Variants in SEC23A observed in about 807,000 individuals in gnomAD.
SEC23A encodes protein transport protein Sec23A.
SEC23A carries 56 observed loss-of-function variants against 103.7 expected under a neutral mutation model. The ratio of observed to expected loss-of-function variants is 0.54; its 90% confidence interval spans 0.44 to 0.67. The LOEUF is 0.67. Among genes scored for constraint, SEC23A ranks in the 30% least tolerant of loss-of-function variants. The pLI is 0.00. For synonymous variants in SEC23A, 281 were observed against 293.0 expected (o/e 0.96, Z 0.42); for missense variants, 784 against 936.4 (o/e 0.84, Z 2.12).
intron 7 of SEC23A, among the ~76,000 whole-genome samples, chr14:39,084,234 G>A (rs2139272122): frequency 6.6e-6 from 1 of 150,520 alleles, no homozygotes; most frequent in African/African-American, 2.4e-5. Flanking sequence ...CACCATGTTA[G>A]CTAGGATGGT....
At position 39,094,430 on chromosome 14, in the gene SEC23A, ATATATATATATATT is replaced by A. The variant is rs1566515200; in HGVS notation, c.222-1200_222-1187del. On this transcript the variant is annotated intron_variant, in intron 2 of 19. Transcript: ENST00000307712. The stretch of plus-strand genomic sequence containing the variant: ...TATATATATATATATATATATATAT[ATATATATATATATT>A]TTTTTTTTTTTTTTTTCCCCTCCTG... Among the ~76,000 whole-genome samples, 377 of 39,212 alleles carry A rather than the reference ATATATATATATATT, an allele frequency of 9.6e-3. 64 individuals carry two copies. The highest frequency in any genetic ancestry group is 0.012 in the African/African-American group (63 of 5,054). 25.7% of individuals were successfully genotyped at this position (39,212 alleles called of 152,430 possible).
At chr14:39,080,135 GA>G (rs1036572683) in intron 7 of SEC23A, among the ~76,000 whole-genome samples, 2 of 151,526 alleles carry the variant, frequency 1.3e-5, no homozygotes, top group African/African-American at 4.8e-5. Flanking sequence ...CAACTGGAGG[GA>G]AAAAAAAGCC....
intron 6 of SEC23A, 113 bp downstream of exon 6, chr14:39,086,816 T>C: frequency 1.4e-6 from 1 of 698,906 alleles, no homozygotes; most frequent in Non-Finnish European, 2.6e-6. Context: ...ACAATTTACT[T>C]ATATTCCTAA....
intron 13 of SEC23A, among the ~76,000 whole-genome samples, chr14:39,059,156 A>T (rs940901332): frequency 3.9e-5 from 6 of 151,996 alleles, no homozygotes; most frequent in Non-Finnish European, 8.8e-5. Context: ...AAATTCCTAG[A>T]TCAAAGTCAT....
rs764035226 is a variant in SEC23A, at chr14:39,045,156, C to T, written c.1899+7G>A. 1.1e-5 allele frequency: 18 copies of T among 1,612,722 alleles called. No individual in the cohort carries two copies. In the East Asian group the frequency reaches 4.0e-4, roughly 36 times the overall value. ...AAGACCAATTTATTTTTTTCTGTCC[C>T]TCTTACCTCTGGTGGTCCACTAAAA... On this transcript the variant is annotated splice_region_variant and intron_variant, in intron 16 of 19. Transcript: ENST00000307712.
intron 1 of SEC23A, among the ~76,000 whole-genome samples, chr14:39,096,835 T>A (rs781362995): frequency 3.0e-4 from 46 of 152,208 alleles, no homozygotes; most frequent in Non-Finnish European, 5.9e-4. Context: ...AAAACTCACA[T>A]GGTTTCTATC....
At chr14:39,083,563 CTT>C (rs71130810) in intron 7 of SEC23A, among the ~76,000 whole-genome samples, 1 of 91,806 alleles carries the variant, frequency 1.1e-5, no homozygotes, top group Non-Finnish European at 2.1e-5. Context: ...AATAAACTTT[CTT>C]TTTTTTTTTT....
intron 1 of SEC23A, among the ~76,000 whole-genome samples, chr14:39,097,639 GA>G (rs1186573457): frequency 1.3e-5 from 2 of 152,076 alleles, no homozygotes; most frequent in Admixed American, 1.3e-4. Context: ...CTTTAAATAA[GA>G]AAATAAAAAT....
intron 4 of SEC23A, among the ~76,000 whole-genome samples, chr14:39,091,915 A>G (rs1887676516): frequency 6.6e-6 from 1 of 152,218 alleles, no homozygotes; most frequent in South Asian, 2.1e-4. Context: ...AACATGAGGT[A>G]TAGTTACACA....
At chr14:39,079,921 A>G (rs1456561094) in intron 7 of SEC23A, among the ~76,000 whole-genome samples, 4 of 152,198 alleles carry the variant, frequency 2.6e-5, no homozygotes, top group Non-Finnish European at 4.4e-5. Flanking sequence ...ATACCATTGC[A>G]TATTGTTTGA....
At position 39,067,124 on chromosome 14, in the gene SEC23A, T is replaced by A. The variant is rs772950110; in HGVS notation, c.1227+49A>T. The A allele has an allele frequency of 6.8e-6, 11 of 1,607,554 alleles. No homozygotes were observed. The East Asian group carries it at 2.5e-4, about 36-fold the overall frequency. Reference sequence around the variant, plus strand: ...CATTTTAGAATTACACTCAAGCCTATAAGTTGTCTTTTGATAACATATCGC... The same window carrying A: ...CATTTTAGAATTACACTCAAGCCTAAAAGTTGTCTTTTGATAACATATCGC... On this transcript the variant is annotated intron_variant, in intron 10 of 19. Coordinates refer to ENST00000307712, the MANE Select transcript of SEC23A (RefSeq NM_006364.4).
At chr14:39,073,146 C>T (rs943795757) in intron 9 of SEC23A, among the ~76,000 whole-genome samples, 1 of 152,134 alleles carries the variant, frequency 6.6e-6, no homozygotes, top group African/African-American at 2.4e-5. Flanking sequence ...AAATGGAATA[C>T]TATTAAATGC....
chr14:39,075,817 G>C (rs1398947717), intron 8 of SEC23A, 118 bp downstream of exon 8: 3 of 807,778 alleles, frequency 3.7e-6, no homozygotes, highest in Non-Finnish European at 6.3e-6. Flanking sequence ...CTGAATACCA[G>C]TTATAGTATC....
At chr14:39,100,259 C>T (rs916392420) in intron 1 of SEC23A, among the ~76,000 whole-genome samples, 8 of 152,148 alleles carry the variant, frequency 5.3e-5, no homozygotes, top group African/African-American at 1.9e-4. Flanking sequence ...GGTCCAATTA[C>T]ATGGCTATGC....
intron 14 of SEC23A, among the ~76,000 whole-genome samples, chr14:39,049,253 G>A (rs1046069279): frequency 1.3e-4 from 20 of 152,046 alleles, no homozygotes; most frequent in Middle Eastern, 6.8e-3. Context: ...CAAGGCGGGC[G>A]GATCACAAGG....
At chr14:39,081,194 A>G (rs1232020050) in intron 7 of SEC23A, among the ~76,000 whole-genome samples, 1 of 151,746 alleles carries the variant, frequency 6.6e-6, no homozygotes, top group African/African-American at 2.4e-5. Context: ...CCTGAGCAAC[A>G]GAGGCTCTGT....
chr14:39,036,839 T>C (rs1885480140), intron 19 of SEC23A, among the ~76,000 whole-genome samples: 1 of 152,048 alleles, frequency 6.6e-6, no homozygotes, highest in African/African-American at 2.4e-5. Flanking sequence ...CTCCGCTTCT[T>C]TCTCACCCAC....
At chr14:39,082,080 G>A (rs754904550) in intron 7 of SEC23A, among the ~76,000 whole-genome samples, 1 of 151,928 alleles carries the variant, frequency 6.6e-6, no homozygotes, top group Non-Finnish European at 1.5e-5. Flanking sequence ...GCAAACATGC[G>A]GCATTTAATA....
In SEC23A at chr14:39,091,518, CAT is replaced by C. The variant is rs1265754654; in HGVS notation, c.560_561del (p.Tyr187CysfsTer21). On this transcript the variant is annotated frameshift_variant, in exon 5 of 20. Transcript: ENST00000307712. LOFTEE classifies it high-confidence loss of function. ...GACAAATCTTTTGTTCCTCTGAAGA[CAT>C]AGCTTTTTGAAATGCCTTCACATCC... is the stretch of plus-strand genomic sequence containing the variant. ...ELGCEGISKS[Y>X]VFRGTKDLSA... is the part of the protein sequence containing the mutation. The C allele has an allele frequency of 1.9e-6, 3 of 1,613,976 alleles. No homozygotes were observed. In the African/African-American group the frequency reaches 4.0e-5, roughly 22 times the overall value.
Sources: gnomAD v4.1 joint callset for allele counts (sites outside exome capture counted in the v4.1 genomes callset) on GRCh38, gnomAD v4.1.1 for gene constraint, MANE v1.5 for transcripts, NCBI Gene and HGNC (gene_info 2026-07-23, HGNC 2026-07-21) for gene names.